The following MBNL1 variants were observed in gnomAD, a reference collection of about 807,000 sequenced individuals.
MBNL1 encodes muscleblind-like protein 1.
MBNL1 carries 8 observed loss-of-function variants against 42.2 expected under a neutral mutation model. The observed-to-expected ratio is 0.19, with a 90% CI of 0.11 to 0.34. MBNL1 has a LOEUF of 0.34. MBNL1 is among the 10% of genes least tolerant of loss of function. MBNL1 has a pLI of 1.00. For synonymous variants in MBNL1, 169 were observed against 173.9 expected (o/e 0.97, Z 0.22); for missense variants, 309 against 495.3 (o/e 0.62, Z 3.57).
At chr3:152,348,406 G>C (rs924716253) in intron 2 of MBNL1, among the ~76,000 whole-genome samples, 1 of 151,952 alleles carries the variant, frequency 6.6e-6, no homozygotes, top group Non-Finnish European at 1.5e-5. Flanking sequence ...TATTCTTCCT[G>C]TTTATTATTT....
chr3:152,344,343 T>C (rs1352377777), intron 2 of MBNL1, among the ~76,000 whole-genome samples: 1 of 152,162 alleles, frequency 6.6e-6, no homozygotes, highest in African/African-American at 2.4e-5. Flanking sequence ...GGATGCCGTG[T>C]GTACTAATGG....
intron 2 of MBNL1, among the ~76,000 whole-genome samples, chr3:152,371,545 G>A (rs528917821): frequency 2.0e-5 from 3 of 152,254 alleles, no homozygotes; most frequent in East Asian, 1.9e-4. Flanking sequence ...GCGGTGAGCC[G>A]AGATCTTGCC....
chr3:152,289,182 A>G (rs537257219), intron 1 of MBNL1, among the ~76,000 whole-genome samples: 13 of 152,268 alleles, frequency 8.5e-5, no homozygotes, highest in African/African-American at 3.1e-4. Flanking sequence ...ATAGCTTTTT[A>G]TATGCAATTT....
intron 5 of MBNL1, among the ~76,000 whole-genome samples, chr3:152,447,282 C>T (rs951364067): frequency 4.6e-5 from 7 of 152,134 alleles, no homozygotes; most frequent in East Asian, 1.9e-4. Context: ...TCATGGAGCT[C>T]GCAGTGCGGC....
At chr3:152,272,982 G>T (rs565348182) in intron 1 of MBNL1, among the ~76,000 whole-genome samples, 80 of 152,222 alleles carry the variant, frequency 5.3e-4, no homozygotes, top group African/African-American at 1.9e-3. Context: ...TGGATGTTGT[G>T]GATTCTTCGT....
Position 152,323,552 on chromosome 3 carries a change from A to G in MBNL1, c.174+23185A>G, listed in dbSNP as rs564337790. Among the ~76,000 whole-genome samples, 25 of 152,288 alleles carry G rather than the reference A, an allele frequency of 1.6e-4. 1 individual carries two copies. The East Asian group carries it at 4.8e-3, about 29-fold the overall frequency. On this transcript the variant is annotated intron_variant, in intron 2 of 9. Transcript: ENST00000324210. ...CATTGTTGTGTGTACATCATAGAGT[A>G]TACTTACACAAACCTAAATGGTATA...
At chr3:152,264,575 C>T (rs1020243556), upstream of MBNL1, 1 of 152,050 alleles carries the variant, frequency 6.6e-6, no homozygotes, top group African/African-American at 2.4e-5. Context: ...GTCAGTTCTG[C>T]TCTGCCATGG....
intron 2 of MBNL1, among the ~76,000 whole-genome samples, chr3:152,307,647 C>T (rs2063899835): frequency 1.3e-5 from 2 of 152,182 alleles, no homozygotes; most frequent in South Asian, 4.1e-4. Flanking sequence ...CAAGGTCAGT[C>T]AGCCAGTAAA....
chr3:152,417,520 G>A (rs1244690935), intron 3 of MBNL1, among the ~76,000 whole-genome samples: 1 of 152,126 alleles, frequency 6.6e-6, no homozygotes, highest in Non-Finnish European at 1.5e-5. Context: ...TAGTCAAGTA[G>A]GTGACAGCAT....
intron 1 of MBNL1, chr3:152,269,532 GC>G (rs1481019191): frequency 1.5e-5 from 7 of 455,134 alleles, no homozygotes. Context: ...CTGCCATCCC[GC>G]CCGGTTTTCA....
At chr3:152,301,126 A>T (rs2060557381) in intron 2 of MBNL1, among the ~76,000 whole-genome samples, 1 of 152,160 alleles carries the variant, frequency 6.6e-6, no homozygotes, top group Admixed American at 6.5e-5. Context: ...GTTAAAAGTT[A>T]GCTTTTGTGG....
At chr3:152,284,965 T>A (rs2050691793) in intron 1 of MBNL1, among the ~76,000 whole-genome samples, 1 of 152,144 alleles carries the variant, frequency 6.6e-6, no homozygotes, top group South Asian at 2.1e-4. Context: ...TGATTAACAA[T>A]CTTAATTGAG....
At chr3:152,415,411 T>A (rs2098682688) in intron 3 of MBNL1, among the ~76,000 whole-genome samples, 1 of 152,202 alleles carries the variant, frequency 6.6e-6, no homozygotes, top group South Asian at 2.1e-4. Flanking sequence ...ACAATGATCA[T>A]CTAACTCACC....
intron 2 of MBNL1, among the ~76,000 whole-genome samples, chr3:152,247,869 C>A (rs757369022): frequency 6.6e-6 from 1 of 151,856 alleles, no homozygotes; most frequent in Non-Finnish European, 1.5e-5. Flanking sequence ...TAGAATCATT[C>A]ATTAATATTG....
chr3:152,418,633 AG>A (rs1477760436), intron 3 of MBNL1, among the ~76,000 whole-genome samples: 19 of 104,918 alleles, frequency 1.8e-4, no homozygotes, highest in South Asian at 3.3e-4. Flanking sequence ...AAAAAAAAAG[AG>A]AGAGAGAGAG....
At chr3:152,326,167 C>CA (rs2079923093) in intron 2 of MBNL1, among the ~76,000 whole-genome samples, 1 of 152,120 alleles carries the variant, frequency 6.6e-6, no homozygotes, top group South Asian at 2.1e-4. Context: ...TTCAACTTTT[C>CA]CTGATTGTCA....
intron 2 of MBNL1, among the ~76,000 whole-genome samples, chr3:152,360,164 G>A (rs763605603): frequency 2.6e-5 from 4 of 151,972 alleles, no homozygotes; most frequent in Non-Finnish European, 5.9e-5. Context: ...TCAGCCTAAC[G>A]TGTCTTGAAT....
intron 2 of MBNL1, among the ~76,000 whole-genome samples, chr3:152,319,428 A>G (rs954826156): frequency 6.6e-6 from 1 of 152,082 alleles, no homozygotes; most frequent in Admixed American, 6.6e-5. Context: ...TCTTGAGGTC[A>G]TTAGGACCCT....
At chr3:152,252,134 ACCTTCCTTCCTTCCTT>A (rs139692617) in intron 2 of MBNL1, among the ~76,000 whole-genome samples, 25 of 102,884 alleles carry the variant, frequency 2.4e-4, no homozygotes, top group East Asian at 3.1e-4. Flanking sequence ...AAACTAACCT[ACCTTCCTTCCTTCCTT>A]CCTTCCTTCC....
Sources: gnomAD v4.1 joint callset for allele counts (sites outside exome capture counted in the v4.1 genomes callset) on GRCh38, gnomAD v4.1.1 for gene constraint, MANE v1.5 for transcripts, NCBI Gene and HGNC (gene_info 2026-07-23, HGNC 2026-07-21) for gene names.